The following NEDD4 variants were observed in gnomAD, a reference collection of about 807,000 sequenced individuals.
NEDD4 encodes the protein E3 ubiquitin-protein ligase NEDD4.
In NEDD4, 99 loss-of-function variants were observed where a neutral mutation model predicts 144.9. That is an observed-to-expected ratio of 0.68 (90% CI 0.58 to 0.81). The LOEUF is 0.81. Among genes scored for constraint, NEDD4 ranks in the 30% least tolerant of loss-of-function variants. NEDD4 has a pLI of 0.00. For missense variants in NEDD4, 985 were observed against 1,065.9 expected (o/e 0.92, Z 1.06); for synonymous variants, 318 against 350.6 (o/e 0.91, Z 1.04).
At chr15:55,898,132 CTAAGAA>C (rs1303007109) in intron 5 of NEDD4, among the ~76,000 whole-genome samples, 3 of 152,160 alleles carry the variant, frequency 2.0e-5, no homozygotes, top group Non-Finnish European at 2.9e-5. Flanking sequence ...TAAGTATAAT[CTAAGAA>C]TGTTTACACA....
At chr15:55,974,713 C>T (rs1339491818) in intron 1 of NEDD4, among the ~76,000 whole-genome samples, 2 of 148,396 alleles carry the variant, frequency 1.3e-5, no homozygotes, top group Admixed American at 6.7e-5. Context: ...TAAATTTCAA[C>T]ATCTCTTCAT....
At chr15:55,902,789 G>GA (rs567923597) in intron 5 of NEDD4, among the ~76,000 whole-genome samples, 3 of 151,956 alleles carry the variant, frequency 2.0e-5, no homozygotes, top group Non-Finnish European at 2.9e-5. Flanking sequence ...AAAGTAATCA[G>GA]AAAAAAACAA....
intron 4 of NEDD4, among the ~76,000 whole-genome samples, chr15:55,926,908 T>C (rs1344974705): frequency 6.6e-6 from 1 of 151,654 alleles, no homozygotes; most frequent in East Asian, 1.9e-4. Flanking sequence ...AAACCCTGTC[T>C]CTACTAAAAA....
At chr15:55,939,050 A>G (rs2036945472) in intron 4 of NEDD4, among the ~76,000 whole-genome samples, 1 of 152,180 alleles carries the variant, frequency 6.6e-6, no homozygotes, top group African/African-American at 2.4e-5. Context: ...AGGCTGCAAT[A>G]AGCCATGATT....
chr15:55,933,461 C>T (rs1595856927), intron 4 of NEDD4, among the ~76,000 whole-genome samples: 1 of 143,012 alleles, frequency 7.0e-6, no homozygotes, highest in African/African-American at 2.6e-5. Flanking sequence ...TTCTCACTCA[C>T]AGGTGGGAAT....
intron 5 of NEDD4, among the ~76,000 whole-genome samples, chr15:55,920,740 C>T (rs113664064): frequency 1.3e-5 from 2 of 152,242 alleles, no homozygotes; most frequent in African/African-American, 4.8e-5. Flanking sequence ...AGAATAAAGA[C>T]GGAATGACAT....
Position 55,878,263 on chromosome 15 carries a change from CATA to C in NEDD4, c.292-4258_292-4256del, listed in dbSNP as rs1343128482. ...TTACCACAAATAAAAAGAAACATTTCATAATAATAAAGAGATCAATTCATAAAA... is the reference window on the plus strand; with the variant it reads ...TTACCACAAATAAAAAGAAACATTTCATAATAAAGAGATCAATTCATAAAA... On this transcript the variant is annotated intron_variant, in intron 5 of 28. Transcript: ENST00000435532. 4.0e-4 allele frequency among the ~76,000 whole-genome samples: 61 copies of C among 152,054 alleles called. 1 individual carries two copies. Among genetic ancestry groups the C allele is most frequent in the African/African-American group, 1.4e-3 (59 of 41,468 alleles).
intron 1 of NEDD4, 136 bp downstream of exon 1, chr15:55,993,375 C>G: frequency 9.2e-7 from 1 of 1,088,004 alleles, no homozygotes. Flanking sequence ...GCGCCTCGCG[C>G]GCTCCCCAGG....
chr15:55,919,909 C>T (rs2036538267), intron 5 of NEDD4, among the ~76,000 whole-genome samples: 1 of 152,140 alleles, frequency 6.6e-6, no homozygotes. Flanking sequence ...GGTTATGGTA[C>T]CCACTTGTTT....
At chr15:55,974,789 T>C (rs1267127794) in intron 1 of NEDD4, among the ~76,000 whole-genome samples, 2 of 150,010 alleles carry the variant, frequency 1.3e-5, no homozygotes, top group Admixed American at 6.6e-5. Context: ...ATAAAAGCCA[T>C]ATATGACAGA....
intron 4 of NEDD4, among the ~76,000 whole-genome samples, chr15:55,946,071 C>T (rs2037107129): frequency 6.6e-6 from 1 of 152,134 alleles, no homozygotes; most frequent in African/African-American, 2.4e-5. Context: ...TAAAGATCAT[C>T]GATGCTATGA....
At chr15:55,928,123 C>G (rs1488358118) in intron 4 of NEDD4, among the ~76,000 whole-genome samples, 2 of 152,128 alleles carry the variant, frequency 1.3e-5, no homozygotes, top group East Asian at 3.9e-4. Context: ...GATTCTCCTG[C>G]CTCGACCTCC....
At chr15:55,909,229 G>A (rs535770958) in intron 5 of NEDD4, among the ~76,000 whole-genome samples, 1 of 152,272 alleles carries the variant, frequency 6.6e-6, no homozygotes, top group South Asian at 2.1e-4. Flanking sequence ...GCTACAAGGT[G>A]CACATACACA....
At chr15:55,848,246 GGGAGA>G in intron 17 of NEDD4, 121 bp downstream of exon 17, 2 of 826,246 alleles carry the variant, frequency 2.4e-6, no homozygotes, top group South Asian at 1.4e-5. Context: ...TGGGAAATGG[GGGAGA>G]GGAGAGAACG....
intron 4 of NEDD4, among the ~76,000 whole-genome samples, chr15:55,927,226 G>A (rs549840442): frequency 6.6e-6 from 1 of 151,992 alleles, no homozygotes; most frequent in East Asian, 1.9e-4. Context: ...AAGGTATAGA[G>A]AACATGCACA....
chr15:55,982,148 C>T (rs1354074470), intron 1 of NEDD4, among the ~76,000 whole-genome samples: 2 of 152,164 alleles, frequency 1.3e-5, no homozygotes, highest in Non-Finnish European at 2.9e-5. Context: ...TGTGCAGCAA[C>T]TAGAACTTTC....
chr15:55,858,032 G>C (rs1007488715), intron 11 of NEDD4, among the ~76,000 whole-genome samples: 1 of 152,068 alleles, frequency 6.6e-6, no homozygotes, highest in Non-Finnish European at 1.5e-5. Context: ...TTTAGTCCTC[G>C]AGTAAATTAT....
Position 55,986,898 on chromosome 15 carries a change from G to A in NEDD4, c.45+6613C>T, listed in dbSNP as rs1406990559. On this transcript the variant is annotated intron_variant, in intron 1 of 28. Coordinates refer to ENST00000435532, the MANE Select transcript of NEDD4 (RefSeq NM_006154.4). ...GCGTGAGCCACCGCGCCCGGCCAAG[G>A]CCTGTCCTTCTTAAAACTGTCTAGG... 6.6e-5 allele frequency among the ~76,000 whole-genome samples: 10 copies of A among 152,152 alleles called. No homozygotes were observed. The East Asian group carries it at 9.7e-4, about 15-fold the overall frequency.
At chr15:55,981,046 T>G (rs1384854825) in intron 1 of NEDD4, among the ~76,000 whole-genome samples, 10 of 151,618 alleles carry the variant, frequency 6.6e-5, no homozygotes, top group Non-Finnish European at 1.2e-4. Flanking sequence ...TTTTCCTTTT[T>G]TTTTTTTTTG....
Sources: gnomAD v4.1 joint callset for allele counts (sites outside exome capture counted in the v4.1 genomes callset) on GRCh38, gnomAD v4.1.1 for gene constraint, MANE v1.5 for transcripts, NCBI Gene and HGNC (gene_info 2026-07-23, HGNC 2026-07-21) for gene names.